PTTG1: variants seen among roughly 807,000 people sequenced by gnomAD.
PTTG1 encodes the protein securin.
In PTTG1, 8 loss-of-function variants were observed where a neutral mutation model predicts 20.0. That is an observed-to-expected ratio of 0.40 (90% CI 0.23 to 0.72). The LOEUF (loss-of-function observed/expected upper bound fraction) is 0.72. PTTG1 is among the 30% of genes least tolerant of loss of function. PTTG1 has a pLI of 0.38. For synonymous variants in PTTG1, 79 were observed against 87.2 expected, an observed-to-expected ratio of 0.91 and a Z score of 0.52; for missense variants, 197 against 236.0, an observed-to-expected ratio of 0.83 and a Z score of 1.08.
chr5:160,427,543 C>A (rs975114675), intron 4 of PTTG1, among the ~76,000 whole-genome samples, 172 bp from the exon 5 acceptor site: 1 of 152,148 alleles, frequency 6.6e-6, no homozygotes, highest in Non-Finnish European at 1.5e-5. Context: ...CTTTCTCCAC[C>A]GCTGCCTTGG....
rs751007105 is a variant in PTTG1 at position 160,427,812 on chromosome 5, A to C, written c.468A>C (p.Glu156Asp). ...LMILDEEREL[E>D]KLFQLGPPSP... ...TCCTTGACGAGGAGAGAGAGCTTGA[A>C]AAGCTGTTTCAGCTGGGCCCCCCTT... is the stretch of plus-strand genomic sequence containing the variant. Residue 156 changes from glutamate (E) to aspartate (D), a missense_variant, in exon 5 of 6, where the codon GAA becomes GAC. Transcript: ENST00000352433. The C allele has an allele frequency of 6.2e-7, 1 of 1,614,152 alleles. No individual in the cohort carries two copies. Among genetic ancestry groups the C allele is most frequent in the South Asian group, 1.1e-5 (1 of 91,082 alleles).
intron 4 of PTTG1, 123 bp from the exon 5 acceptor site, chr5:160,427,592 T>C: frequency 8.9e-7 from 1 of 1,119,248 alleles, no homozygotes; most frequent in East Asian, 2.4e-5. Context: ...GAAAAAGGTG[T>C]GAATATTGTC....
At chr5:160,428,471 G>A in intron 5 of PTTG1, 131 bp from the exon 6 acceptor site, 1 of 774,870 alleles carries the variant, frequency 1.3e-6, no homozygotes. Context: ...AAATGTGTCA[G>A]GAGGGGATGC....
In PTTG1 at chr5:160,422,202, T is replaced by A; in HGVS notation, c.-11-100T>A. On this transcript the variant is annotated intron_variant, in intron 1 of 5. Coordinates refer to ENST00000352433, the MANE Select transcript of PTTG1 (RefSeq NM_004219.4). Reference sequence around the variant, plus strand: ...TGACTGTTCCGCTGTTTAGCTCTTGTTTTTTGTGTGGACACTCCTAGGATA... The same window carrying A: ...TGACTGTTCCGCTGTTTAGCTCTTGATTTTTGTGTGGACACTCCTAGGATA... 1.3e-5 allele frequency: 11 copies of A among 818,666 alleles called. No homozygotes were observed. The South Asian group carries it at 1.7e-4, about 13-fold the overall frequency. 50.7% of individuals were successfully genotyped at this position (818,666 alleles called of 1,614,324 possible). A position where few individuals can be genotyped will look rare whatever the true frequency, so the allele number is the denominator to read the frequency against.
chr5:160,427,775 T>A lies in PTTG1; in HGVS notation c.431T>A (p.Val144Glu). Residue 144 changes from valine (V) to glutamate (E), a missense_variant, in exon 5 of 6, where the codon GTG (valine) becomes GAG (glutamate). Coordinates refer to ENST00000352433, the MANE Select transcript of PTTG1 (RefSeq NM_004219.4). ...HQIAHLPLSG[V>E]PLMILDEERE... is the part of the protein sequence containing the mutation. ...ATTGCGCACCTCCCCTTGAGTGGAG[T>A]GCCTCTCATGATCCTTGACGAGGAG... The A allele has an allele frequency of 6.2e-7, 1 of 1,614,118 alleles. No homozygotes were observed. The highest frequency in any genetic ancestry group is 8.5e-7 in the Non-Finnish European group (1 of 1,180,006).
chr5:160,423,278 C>T (rs1414836224), intron 3 of PTTG1, among the ~76,000 whole-genome samples: 1 of 152,174 alleles, frequency 6.6e-6, no homozygotes, highest in Non-Finnish European at 1.5e-5. Flanking sequence ...TCTGTTGCTG[C>T]TTTAATAGCA....
rs762752660 is a variant in PTTG1 at position 160,424,270 on chromosome 5, G to A, written c.310G>A (p.Val104Ile). 6 of 1,612,706 alleles carry A rather than the reference G, an allele frequency of 3.7e-6. No individual in the cohort carries two copies. The highest frequency in any genetic ancestry group is 4.2e-6 in the Non-Finnish European group (5 of 1,179,032). ...GAAGACTGTTAAAGCAAAAAGCTCT[G>A]TTCCTGCCTCAGATGATGCCTATCC... ...TEKTVKAKSS[V>I]PASDDAYPEI... is the part of the protein sequence containing the mutation. Residue 104 changes from valine (V) to isoleucine (I), a missense_variant, in exon 4 of 6, where the codon GTT (valine) becomes ATT (isoleucine). Val to Ile is a conservative substitution (Grantham distance 29). Transcript: ENST00000352433.
At chr5:160,424,362 T>A in intron 4 of PTTG1, 32 bp downstream of exon 4, 1 of 1,485,036 alleles carries the variant, frequency 6.7e-7, no homozygotes, top group Non-Finnish European at 9.3e-7. Flanking sequence ...AAAAGTGCTT[T>A]TGGCCTTTAG....
chr5:160,422,432 A>T, intron 2 of PTTG1, 29 bp downstream of exon 2: 1 of 1,584,170 alleles, frequency 6.3e-7, no homozygotes, highest in Non-Finnish European at 8.7e-7. Flanking sequence ...AGTCGGATAC[A>T]CTGGTATTGT....
chr5:160,427,456 C>G (rs79294671), intron 4 of PTTG1, among the ~76,000 whole-genome samples: 5 of 151,984 alleles, frequency 3.3e-5, no homozygotes, highest in Admixed American at 2.0e-4. Context: ...AAACTACAAG[C>G]GAAGAAGGAT....
In PTTG1 at chr5:160,428,691, T is replaced by C. The variant is rs765155957; in HGVS notation, c.*10T>C. The C allele has an allele frequency of 3.1e-6, 5 of 1,601,300 alleles. No individual in the cohort carries two copies. Among genetic ancestry groups the C allele is most frequent in the Non-Finnish European group, 4.3e-6 (5 of 1,168,302 alleles). ...TGACATAGATATTTAAATTTCTTAG[T>C]GCTTCAGAGTTTGTGTGTATTTGTA... On this transcript the variant is annotated 3_prime_UTR_variant, in exon 6 of 6. Transcript: ENST00000352433.
chr5:160,425,545 C>A (rs1765789066), intron 4 of PTTG1, among the ~76,000 whole-genome samples: 1 of 152,176 alleles, frequency 6.6e-6, no homozygotes. Flanking sequence ...AAACTCTAAT[C>A]TTTATCAGAA....
intron 1 of PTTG1, 159 bp downstream of exon 1, chr5:160,422,050 T>C: frequency 2.8e-6 from 1 of 354,630 alleles, no homozygotes; most frequent in East Asian, 5.6e-5. Flanking sequence ...CTCGGACTGC[T>C]AACTGGACCA....
Position 160,422,764 on chromosome 5 carries a change from G to T in PTTG1, c.147G>T (p.Thr49=), listed in dbSNP as rs770598580. The T allele has an allele frequency of 1.4e-5, 23 of 1,613,984 alleles. No homozygotes were observed. In the East Asian group the frequency reaches 4.9e-4, roughly 34 times the overall value. The change falls in exon 3 of 6, where the codon ACG becomes ACT. Residue 49 remains threonine (T), a synonymous_variant. Coordinates refer to ENST00000352433, the MANE Select transcript of PTTG1 (RefSeq NM_004219.4). Reference sequence around the variant, plus strand: ...TTTCAACACCACGTTTTGGCAAAACGTTCGATGCCCCACCAGCCTTACCTA... The same window carrying T: ...TTTCAACACCACGTTTTGGCAAAACTTTCGATGCCCCACCAGCCTTACCTA... ...SQVSTPRFGK[T]FDAPPALPKA...
At chr5:160,427,681 C>T (rs1038131210) in intron 4 of PTTG1, 34 bp from the exon 5 acceptor site, 19 of 1,605,266 alleles carry the variant, frequency 1.2e-5, no homozygotes, top group Non-Finnish European at 1.6e-5. Context: ...CTAAGAACTG[C>T]TGCCCTGACA....
At chr5:160,424,684 A>G (rs978618682) in intron 4 of PTTG1, 1 of 170,230 alleles carries the variant, frequency 5.9e-6, no homozygotes, top group African/African-American at 2.4e-5. Context: ...GCCTGAGAGT[A>G]ATTTGGTAGG....
intron 2 of PTTG1, 102 bp from the exon 3 acceptor site, chr5:160,422,607 G>A (rs780679561): frequency 1.1e-4 from 152 of 1,358,966 alleles, no homozygotes; most frequent in Non-Finnish European, 1.4e-4. Context: ...CCAAAAGTGG[G>A]GGGTGGGTTT....
chr5:160,425,757 CAGTG>C (rs35810138), intron 4 of PTTG1, among the ~76,000 whole-genome samples: 11,799 of 152,070 alleles, frequency 0.078, 1,168 homozygotes, highest in East Asian at 0.22. Context: ...CTTTACAATT[CAGTG>C]GTTTTAAGTT....
chr5:160,424,269 T>C lies in PTTG1; in HGVS notation c.309T>C (p.Ser103=), dbSNP rs1765769401. Residue 103 remains serine, a synonymous_variant, in exon 4 of 6, where the codon TCT becomes TCC. Transcript: ENST00000352433. ...MTEKTVKAKS[S]VPASDDAYPE... ...AGAAGACTGTTAAAGCAAAAAGCTC[T>C]GTTCCTGCCTCAGATGATGCCTATC... The C allele has an allele frequency of 1.9e-6, 3 of 1,612,884 alleles. No individual in the cohort carries two copies. The highest frequency in any genetic ancestry group is 4.5e-5 in the East Asian group (2 of 44,812).
Sources: allele counts gnomAD v4.1 joint callset (sites outside exome capture counted in the v4.1 genomes callset), GRCh38; gene constraint gnomAD v4.1.1; transcripts MANE v1.5; gene names NCBI Gene and HGNC (gene_info 2026-07-23, HGNC 2026-07-21).